Variants in FAM118A observed in about 807,000 individuals in gnomAD.
FAM118A encodes protein FAM118A.
Under a neutral mutation model 38.2 loss-of-function variants are expected in FAM118A, and 25 were observed. That is an observed-to-expected ratio of 0.65 (90% CI 0.48 to 0.91). The LOEUF (loss-of-function observed/expected upper bound fraction) is 0.91. FAM118A is among the 40% of genes least tolerant of loss of function. FAM118A has a pLI of 0.00. For synonymous variants in FAM118A, 178 were observed against 184.1 expected, an observed-to-expected ratio of 0.97 and a Z score of 0.27; for missense variants, 425 against 463.3, an observed-to-expected ratio of 0.92 and a Z score of 0.76.
chr22:45,317,993 A>C (rs1011283290), intron 1 of FAM118A, among the ~76,000 whole-genome samples: 1 of 152,252 alleles, frequency 6.6e-6, no homozygotes, highest in Non-Finnish European at 1.5e-5. Flanking sequence ...GGGCGGGGCC[A>C]TTAACATCCT....
chr22:45,323,287 A>T lies in FAM118A; in HGVS notation c.160A>T (p.Ser54Cys), dbSNP rs1256260369. The change falls in exon 3 of 9, where the codon AGC (serine) becomes TGC (cysteine). Residue 54 changes from serine to cysteine, a missense_variant. Ser to Cys is a moderately radical substitution (Grantham distance 112). Coordinates refer to ENST00000441876, the MANE Select transcript of FAM118A (RefSeq NM_017911.4). ...AATCCCTGCCCTTTGCTCGTGGAGAAGCTGCATCGAGGCCGTCATCGAGGC... is the reference window on the plus strand; with the variant it reads ...AATCCCTGCCCTTTGCTCGTGGAGATGCTGCATCGAGGCCGTCATCGAGGC... Reference protein sequence around the residue: ...PGIPALCSWRSCIEAVIEAAE... With the variant: ...PGIPALCSWRCCIEAVIEAAE... The T allele has an allele frequency of 6.2e-7, 1 of 1,614,208 alleles. No individual in the cohort carries two copies. The highest frequency in any genetic ancestry group is 1.1e-5 in the South Asian group (1 of 91,086).
intron 3 of FAM118A, among the ~76,000 whole-genome samples, chr22:45,327,179 G>A (rs2085335627): frequency 6.6e-6 from 1 of 151,980 alleles, no homozygotes; most frequent in Non-Finnish European, 1.5e-5. Flanking sequence ...GTTGGAGGCT[G>A]CAGTGAGCTA....
At chr22:45,320,332 C>T (rs1205490841) in intron 1 of FAM118A, among the ~76,000 whole-genome samples, 3 of 152,058 alleles carry the variant, frequency 2.0e-5, no homozygotes, top group African/African-American at 7.2e-5. Flanking sequence ...TGTGGTGGCG[C>T]AGGCCTGTGC....
chr22:45,313,319 GTT>G (rs11322212), intron 1 of FAM118A, among the ~76,000 whole-genome samples: 87 of 112,660 alleles, frequency 7.7e-4, no homozygotes, highest in South Asian at 2.3e-3. Flanking sequence ...TGTCGTGAGG[GTT>G]TTTTTTTTTT....
At position 45,328,201 on chromosome 22, in the gene FAM118A, TCC is replaced by T; in HGVS notation, c.522+140_522+141del. ...CCGGCGGCAGAACAAGCCCATGGAG[TCC>T]CTGGACTTGAAGGACAAGACCAAGG... On this transcript the variant is annotated intron_variant, in intron 4 of 8. Coordinates refer to ENST00000441876, the MANE Select transcript of FAM118A (RefSeq NM_017911.4). 5.4e-5 allele frequency: 11 copies of T among 203,442 alleles called. 4 individuals carry two copies. Among genetic ancestry groups the T allele is most frequent in the East Asian group, 4.2e-4 (5 of 12,040 alleles). 12.6% of individuals were successfully genotyped at this position (203,442 alleles called of 1,614,324 possible). A position where few individuals can be genotyped will look rare whatever the true frequency, so the allele number is the denominator to read the frequency against.
In FAM118A at chr22:45,323,251, G is replaced by A. The variant is rs2085010222; in HGVS notation, c.124G>A (p.Val42Met). The A allele has an allele frequency of 6.2e-7, 1 of 1,614,240 alleles. No homozygotes were observed. Among genetic ancestry groups the A allele is most frequent in the South Asian group, 1.1e-5 (1 of 91,090 alleles). ...TATCGGGACTGGCGTCAGCGCAGCAGTGGCCCCCGGAATCCCTGCCCTTTG... is the reference window on the plus strand; with the variant it reads ...TATCGGGACTGGCGTCAGCGCAGCAATGGCCCCCGGAATCCCTGCCCTTTG... ...LVIGTGVSAA[V>M]APGIPALCSW... Residue 42 changes from valine to methionine, a missense_variant, in exon 3 of 9, where the codon GTG becomes ATG. Coordinates refer to ENST00000441876, the MANE Select transcript of FAM118A (RefSeq NM_017911.4).
rs2086465171 is a variant in FAM118A at position 45,341,792 on chromosome 22, C to G, written c.*1387C>G. The G allele has an allele frequency of 6.6e-6, 1 of 152,192 alleles. No homozygotes were observed. Among genetic ancestry groups the G allele is most frequent in the Non-Finnish European group, 1.5e-5 (1 of 68,072 alleles). The allele number at this position is 152,192 out of a possible 1,614,324, so 9.4% of individuals were successfully genotyped here. The stretch of plus-strand genomic sequence containing the variant: ...ATTTCTTGCCAAGCCCTGTGACACT[C>G]CCCATTGATGACTCCCATAGGTACA... On this transcript the variant is annotated 3_prime_UTR_variant, in exon 9 of 9. Transcript: ENST00000441876.
intron 5 of FAM118A, 45 bp downstream of exon 5, chr22:45,330,776 A>G (rs1334746251): frequency 3.4e-6 from 5 of 1,462,348 alleles, no homozygotes; most frequent in Non-Finnish European, 4.5e-6. Flanking sequence ...CTCAGGGATT[A>G]CTGGTGGCCA....
chr22:45,317,315 G>A (rs988369487), intron 1 of FAM118A, among the ~76,000 whole-genome samples: 1 of 152,160 alleles, frequency 6.6e-6, no homozygotes, highest in Non-Finnish European at 1.5e-5. Context: ...GGAGGCGGAG[G>A]TTGCACCAAG....
rs760859646 is a variant in FAM118A, at chr22:45,323,369, T to C, written c.242T>C (p.Val81Ala). ...GACGTCGCCGAGTTCCGGAGGAAAG[T>C]GACAAAGGACCGGGACCTGTTGGTT... ...PGDVAEFRRK[V>A]TKDRDLLVVA... Residue 81 changes from valine to alanine, a missense_variant, in exon 3 of 9, where the codon GTG becomes GCG. Val to Ala is a moderately conservative substitution (Grantham distance 64, BLOSUM62 0). Coordinates refer to ENST00000441876, the MANE Select transcript of FAM118A (RefSeq NM_017911.4). 6.2e-7 allele frequency: 1 copy of C among 1,614,134 alleles called. No homozygotes were observed. Among genetic ancestry groups the C allele is most frequent in the Non-Finnish European group, 8.5e-7 (1 of 1,180,028 alleles).
At chr22:45,309,583 G>C (rs1443915005), upstream of FAM118A, 1 of 152,354 alleles carries the variant, frequency 6.6e-6, no homozygotes, top group Non-Finnish European at 1.5e-5. Flanking sequence ...TGCTCGCCAC[G>C]TCCCTGCAAA....
intron 3 of FAM118A, among the ~76,000 whole-genome samples, chr22:45,327,269 C>T (rs766263846): frequency 8.6e-5 from 13 of 151,752 alleles, no homozygotes; most frequent in Non-Finnish European, 1.5e-4. Flanking sequence ...AGAAACACTG[C>T]CTCCCGCCTC....
At position 45,323,160 on chromosome 22, in the gene FAM118A, CTTCTT is replaced by C. The variant is rs759454112; in HGVS notation, c.48-11_48-7del. On this transcript the variant is annotated splice_polypyrimidine_tract_variant and intron_variant, in intron 2 of 8. Transcript: ENST00000441876. ...GCTTTGACTTTCATTCTCTTGCTCCCTTCTTTTCAAGTAGAAAGTTTTTAAAAAGC... is the reference window on the plus strand; with the variant it reads ...GCTTTGACTTTCATTCTCTTGCTCCCTTCAAGTAGAAAGTTTTTAAAAAGC... 1.9e-6 allele frequency: 3 copies of C among 1,607,560 alleles called. No individual in the cohort carries two copies. The highest frequency in any genetic ancestry group is 2.6e-6 in the Non-Finnish European group (3 of 1,174,992).
In FAM118A at chr22:45,335,391, G is replaced by A; in HGVS notation, c.970+9G>A. On this transcript the variant is annotated intron_variant, in intron 7 of 8. Transcript: ENST00000441876. ...CAGCACCACATTATTGGGTAAAGCA[G>A]ATCTTTCTTCTTGCCAGCCTGTTTT... 1 of 1,614,196 alleles carries A rather than the reference G, an allele frequency of 6.2e-7. No homozygotes were observed. Among genetic ancestry groups the A allele is most frequent in the Non-Finnish European group, 8.5e-7 (1 of 1,180,008 alleles).
At chr22:45,337,749 C>A in intron 8 of FAM118A, 1 of 817,570 alleles carries the variant, frequency 1.2e-6, no homozygotes, top group Non-Finnish European at 1.5e-6. Context: ...TTGCTCTGGC[C>A]CCCCATCCAT....
At chr22:45,317,783 C>T (rs1422585424) in intron 1 of FAM118A, among the ~76,000 whole-genome samples, 1 of 152,222 alleles carries the variant, frequency 6.6e-6, no homozygotes, top group Non-Finnish European at 1.5e-5. Context: ...TGGATGGTAC[C>T]TCGGCTGCCC....
At chr22:45,330,503 A>G in intron 4 of FAM118A, 100 bp from the exon 5 acceptor site, 1 of 1,300,258 alleles carries the variant, frequency 7.7e-7, no homozygotes, top group Non-Finnish European at 1.0e-6. Flanking sequence ...ATTCTTTCCA[A>G]GATAGGTTTA....
chr22:45,315,891 T>C (rs1051405575), intron 1 of FAM118A, among the ~76,000 whole-genome samples: 1 of 152,216 alleles, frequency 6.6e-6, no homozygotes, highest in African/African-American at 2.4e-5. Flanking sequence ...TCCAGAAGCT[T>C]AATTTTTTGC....
chr22:45,325,544 A>G (rs1215938645), intron 3 of FAM118A, among the ~76,000 whole-genome samples: 2 of 151,944 alleles, frequency 1.3e-5, no homozygotes, highest in East Asian at 3.9e-4. Context: ...ACGGGCCTCA[A>G]TGGGCTTGAA....
Sources: gnomAD v4.1 joint callset for allele counts (sites outside exome capture counted in the v4.1 genomes callset) on GRCh38, gnomAD v4.1.1 for gene constraint, MANE v1.5 for transcripts, NCBI Gene and HGNC (gene_info 2026-07-23, HGNC 2026-07-21) for gene names.